The following VSTM1 variants were observed in gnomAD, a reference collection of about 807,000 sequenced individuals.
VSTM1 encodes the protein V-set and transmembrane domain-containing protein 1.
Under a neutral mutation model 33.1 loss-of-function variants are expected in VSTM1, and 27 were observed. The observed-to-expected ratio is 0.82, with a 90% CI of 0.60 to 1.12. The LOEUF (loss-of-function observed/expected upper bound fraction) is 1.12, where lower values mean the gene tolerates loss of function less well. Ranked by LOEUF, VSTM1 falls within the 50% of genes most tolerant of loss-of-function variation. The pLI is 0.00. For missense variants in VSTM1, 304 were observed against 288.9 expected (o/e 1.05, Z -0.38); for synonymous variants, 115 against 110.3 (o/e 1.04, Z -0.27).
In VSTM1 at chr19:54,042,172, T is replaced by C. The variant is rs1301922808; in HGVS notation, c.512A>G (p.Lys171Arg). 6.2e-7 allele frequency: 1 copy of C among 1,613,902 alleles called. No homozygotes were observed. Among genetic ancestry groups the C allele is most frequent in the African/African-American group, 1.3e-5 (1 of 74,864 alleles). Residue 171 changes from lysine to arginine, a missense_variant, in exon 6 of 9, where the codon AAG becomes AGG. Transcript: ENST00000338372. ...QHSSSSEESTKRTSHSKLPEQ... is the reference protein window; with the variant it reads ...QHSSSSEESTRRTSHSKLPEQ... ...ATGAGCTATGCCAAGCATCTACCTC[T>C]TGGTGGATTCCTCAGATGATGAACC...
At position 54,057,800 on chromosome 19, in the gene VSTM1, C is replaced by T. The variant is rs2071174719; in HGVS notation, c.355+506G>A. ...CTCCAGCCTGGGCAACAGAGCAAGACTCCCTCTCAAAAAAAAAAAAAAGGC... is the reference window on the plus strand; with the variant it reads ...CTCCAGCCTGGGCAACAGAGCAAGATTCCCTCTCAAAAAAAAAAAAAAGGC... On this transcript the variant is annotated intron_variant, in intron 3 of 8. Transcript: ENST00000338372. 2.8e-5 allele frequency among the ~76,000 whole-genome samples: 4 copies of T among 141,480 alleles called. No individual in the cohort carries two copies. In the South Asian group the frequency reaches 9.1e-4, roughly 32 times the overall value. 92.8% of individuals were successfully genotyped at this position (141,480 alleles called of 152,430 possible).
chr19:54,041,769 G>T lies in VSTM1; in HGVS notation c.591+10C>A, dbSNP rs1233938691. 1 of 1,612,544 alleles carries T rather than the reference G, an allele frequency of 6.2e-7. No individual in the cohort carries two copies. Among genetic ancestry groups the T allele is most frequent in the African/African-American group, 1.3e-5 (1 of 74,702 alleles). ...GAGCTCTTGTGGGACTCCTAAGCGG[G>T]AGGACTCACCGAGAGAGATACCCTT... is the stretch of plus-strand genomic sequence containing the variant. On this transcript the variant is annotated intron_variant, in intron 8 of 8. Transcript: ENST00000338372.
At chr19:54,051,506 A>G in intron 3 of VSTM1, 58 bp from the exon 4 acceptor site, 1 of 1,410,444 alleles carries the variant, frequency 7.1e-7, no homozygotes. Context: ...CCTTGGGGAC[A>G]GGAGTCCTCA....
rs146279443 is a variant in VSTM1 at position 54,044,357 on chromosome 19, G to A, written c.395-1988C>T. Among the ~76,000 whole-genome samples, 1,148 of 152,186 alleles carry A rather than the reference G, an allele frequency of 7.5e-3. 7 individuals carry two copies. The highest frequency in any genetic ancestry group is 0.012 in the Non-Finnish European group (789 of 68,006). On this transcript the variant is annotated intron_variant, in intron 4 of 8. Coordinates refer to ENST00000338372, the MANE Select transcript of VSTM1 (RefSeq NM_198481.4). ...GTGGATCACTTGAGGTCTGGAGTTC[G>A]AGACCAGCCTGGCCAACATGGTGAA...
At chr19:54,048,788 CA>C in intron 4 of VSTM1, among the ~76,000 whole-genome samples, 1 of 152,034 alleles carries the variant, frequency 6.6e-6, no homozygotes, top group East Asian at 1.9e-4. Flanking sequence ...AAATGTCCAT[CA>C]AAAGAAGAAC....
At chr19:54,059,948 C>G (rs996577284) in intron 1 of VSTM1, among the ~76,000 whole-genome samples, 2 of 150,978 alleles carry the variant, frequency 1.3e-5, no homozygotes, top group Non-Finnish European at 3.0e-5. Flanking sequence ...CCCGGGTTCA[C>G]GCCATTCTCC....
chr19:54,054,134 A>G (rs2070975676), intron 3 of VSTM1, among the ~76,000 whole-genome samples: 1 of 142,566 alleles, frequency 7.0e-6, no homozygotes, highest in South Asian at 2.3e-4. Context: ...AACAGATTGT[A>G]TATGGAAGGC....
chr19:54,044,662 A>G (rs1255214779), intron 4 of VSTM1, among the ~76,000 whole-genome samples: 1 of 152,244 alleles, frequency 6.6e-6, no homozygotes, highest in Non-Finnish European at 1.5e-5. Context: ...GCAAGTCTAC[A>G]TCATAGCGTT....
chr19:54,041,658 G>A, intron 8 of VSTM1, 121 bp downstream of exon 8: 2 of 1,154,946 alleles, frequency 1.7e-6, no homozygotes, highest in Non-Finnish European at 2.4e-6. Context: ...TTCGTGACTT[G>A]TCTAAGACCA....
intron 3 of VSTM1, 93 bp downstream of exon 3, chr19:54,058,213 C>T: frequency 7.2e-7 from 1 of 1,381,490 alleles, no homozygotes; most frequent in East Asian, 2.4e-5. Flanking sequence ...GCACTCCAGC[C>T]TGGGAGACAC....
At chr19:54,042,226 C>T in intron 5 of VSTM1, 30 bp from the exon 6 acceptor site, 1 of 1,614,002 alleles carries the variant, frequency 6.2e-7, no homozygotes, top group Non-Finnish European at 8.5e-7. Context: ...AATTTACCTA[C>T]CGAGAAAATC....
Position 54,051,438 on chromosome 19 carries a change from A to G in VSTM1, c.366T>C (p.Asp122=), listed in dbSNP as rs770809598. 18 of 1,595,430 alleles carry G rather than the reference A, an allele frequency of 1.1e-5. 1 individual carries two copies. In the South Asian group the frequency reaches 2.1e-4, roughly 18 times the overall value. The part of the protein sequence containing the change: ...HLQLVVTDKH[D]ELEAPSMKTD... ...TTTTCATTGAGGGAGCTTCAAGTTC[A>G]TCGTGTTTATCTAGAAAATAGGAGG... The change falls in exon 4 of 9, where the codon GAT becomes GAC. Residue 122 remains aspartate (D), a synonymous_variant. Coordinates refer to ENST00000338372, the MANE Select transcript of VSTM1 (RefSeq NM_198481.4).
rs530146101 is a variant in VSTM1, at chr19:54,052,393, G to A, written c.356-945C>T. On this transcript the variant is annotated intron_variant, in intron 3 of 8. Coordinates refer to ENST00000338372, the MANE Select transcript of VSTM1 (RefSeq NM_198481.4). ...AGCCTGAGGGACAGAGCCAGACTCC[G>A]TCTCAAAAAAAAAATAAAAATAAAA... Among the ~76,000 whole-genome samples, 20 of 135,582 alleles carry A rather than the reference G, an allele frequency of 1.5e-4. 3 individuals carry two copies. The Middle Eastern group carries it at 0.011, about 75-fold the overall frequency. The allele number at this position is 135,582 out of a possible 152,430, so 88.9% of individuals were successfully genotyped here. A position where few individuals can be genotyped will look rare whatever the true frequency, so the allele number is the denominator to read the frequency against.
At chr19:54,063,322 A>C (rs1418459870) in intron 1 of VSTM1, among the ~76,000 whole-genome samples, 1 of 152,132 alleles carries the variant, frequency 6.6e-6, no homozygotes, top group Non-Finnish European at 1.5e-5. Flanking sequence ...TGGGCTACAG[A>C]GTGAGACTCT....
chr19:54,054,818 T>C, intron 3 of VSTM1, among the ~76,000 whole-genome samples: 1 of 130,638 alleles, frequency 7.7e-6, no homozygotes, highest in African/African-American at 2.8e-5. Flanking sequence ...AATGGAAGGG[T>C]TGGTGGTTGG....
At chr19:54,056,346 C>T (rs758335598) in intron 3 of VSTM1, among the ~76,000 whole-genome samples, 2 of 135,350 alleles carry the variant, frequency 1.5e-5, no homozygotes, top group Non-Finnish European at 3.2e-5. Flanking sequence ...CTCAGCCTCC[C>T]GAGTAGCTGA....
chr19:54,063,670 C>G, intron 1 of VSTM1, 74 bp downstream of exon 1: 1 of 1,578,266 alleles, frequency 6.3e-7, no homozygotes, highest in Non-Finnish European at 8.7e-7. Flanking sequence ...CACCGCATTT[C>G]CACCTGGACT....
In VSTM1 at chr19:54,058,189, G is replaced by A. The variant is rs1053177050; in HGVS notation, c.355+117C>T. 2.8e-5 allele frequency: 32 copies of A among 1,138,682 alleles called. No individual in the cohort carries two copies. The African/African-American group carries it at 3.0e-4, about 11-fold the overall frequency. The allele number at this position is 1,138,682 out of a possible 1,614,324, so 70.5% of individuals were successfully genotyped here. ...CAGGAGGCAGAAGTTGCAGTGAGCC[G>A]AGATCGTGCCACTGCACTCCAGCCT... On this transcript the variant is annotated intron_variant, in intron 3 of 8. Transcript: ENST00000338372.
At chr19:54,058,239 T>TAAAA in intron 3 of VSTM1, 67 bp downstream of exon 3, 6 of 1,277,822 alleles carry the variant, frequency 4.7e-6, no homozygotes, top group Non-Finnish European at 6.4e-6. Flanking sequence ...GACTCTGTCT[T>TAAAA]AAAAAAAAAA....
Sources: gnomAD v4.1 joint callset for allele counts (sites outside exome capture counted in the v4.1 genomes callset) on GRCh38, gnomAD v4.1.1 for gene constraint, MANE v1.5 for transcripts, NCBI Gene and HGNC (gene_info 2026-07-23, HGNC 2026-07-21) for gene names.